Variants in LGR4 observed in about 807,000 individuals in gnomAD.
LGR4 encodes leucine rich repeat containing G protein-coupled receptor 4.
A neutral mutation model predicts 84.8 loss-of-function variants in LGR4; 44 were observed. The observed-to-expected ratio is 0.52, with a 90% CI of 0.41 to 0.67. The LOEUF is 0.67. Among genes scored for constraint, LGR4 ranks in the 30% least tolerant of loss-of-function variants. The pLI, the probability that LGR4 is intolerant of heterozygous loss-of-function variation, is 0.00. For missense variants in LGR4, 1,032 were observed against 1,131.4 expected (o/e 0.91, Z 1.26); for synonymous variants, 429 against 434.3 (o/e 0.99, Z 0.15).
intron 4 of LGR4, among the ~76,000 whole-genome samples, chr11:27,385,847 A>C (rs1025048645): frequency 3.3e-5 from 5 of 151,880 alleles, no homozygotes; most frequent in Non-Finnish European, 5.9e-5. Flanking sequence ...CTGACCAAAT[A>C]GGCTACTTTG....
intron 1 of LGR4, among the ~76,000 whole-genome samples, chr11:27,418,410 T>C (rs1242076944): frequency 1.3e-5 from 2 of 152,204 alleles, no homozygotes; most frequent in African/African-American, 2.4e-5. Context: ...AGTGTCACAA[T>C]AGACACCCTT....
At chr11:27,414,773 G>C (rs900666319) in intron 1 of LGR4, among the ~76,000 whole-genome samples, 1 of 152,000 alleles carries the variant, frequency 6.6e-6, no homozygotes, top group Admixed American at 6.6e-5. Flanking sequence ...AAAGGCAGGC[G>C]CAACTCCCAC....
chr11:27,449,887 T>C (rs1413210318), intron 1 of LGR4, among the ~76,000 whole-genome samples: 2 of 152,184 alleles, frequency 1.3e-5, no homozygotes, highest in African/African-American at 4.8e-5. Context: ...TTATTAACAA[T>C]ATCTCTTCAG....
At position 27,367,618 on chromosome 11, in the gene LGR4, CT is replaced by C; in HGVS notation, c.*248del. On this transcript the variant is annotated 3_prime_UTR_variant, in exon 18 of 18. Transcript: ENST00000379214. ...ATATTGCTCTACTACACCTAAGATC[CT>C]TTTCAAGTCATATATTTGTTTCAAA... is the stretch of plus-strand genomic sequence containing the variant. The C allele has an allele frequency of 2.8e-6, 1 of 357,570 alleles. No individual in the cohort carries two copies. The highest frequency in any genetic ancestry group is 5.0e-6 in the Non-Finnish European group (1 of 198,402). 22.1% of individuals were successfully genotyped at this position (357,570 alleles called of 1,614,324 possible).
At chr11:27,373,736 G>A (rs1484579003) in intron 14 of LGR4, 60 bp from the exon 15 acceptor site, 11 of 1,410,260 alleles carry the variant, frequency 7.8e-6, no homozygotes, top group African/African-American at 1.4e-5. Flanking sequence ...AAAAACATCT[G>A]TACACGTATT....
intron 17 of LGR4, 57 bp from the exon 18 acceptor site, chr11:27,369,200 G>T: frequency 7.4e-7 from 1 of 1,350,546 alleles, no homozygotes; most frequent in South Asian, 1.5e-5. Flanking sequence ...AAACAATTTA[G>T]AAAATGATAT....
intron 2 of LGR4, 56 bp from the exon 3 acceptor site, chr11:27,392,574 T>C (rs1863306272): frequency 7.0e-7 from 1 of 1,429,816 alleles, no homozygotes; most frequent in Non-Finnish European, 9.4e-7. Context: ...AGACTTAAAA[T>C]TCAGAACTTA....
At chr11:27,404,836 T>C (rs186288423) in intron 2 of LGR4, among the ~76,000 whole-genome samples, 1 of 152,282 alleles carries the variant, frequency 6.6e-6, no homozygotes, top group African/African-American at 2.4e-5. Context: ...CAGGAAAGAA[T>C]GAAGCCAGAA....
chr11:27,385,589 T>TTATAGG, intron 4 of LGR4, 121 bp from the exon 5 acceptor site: 1 of 618,546 alleles, frequency 1.6e-6, no homozygotes, highest in South Asian at 2.3e-5. Context: ...TCTTTAATTT[T>TTATAGG]ACTAGAAGTC....
At chr11:27,377,500 A>T (rs1453375240) in intron 11 of LGR4, among the ~76,000 whole-genome samples, 2 of 151,664 alleles carry the variant, frequency 1.3e-5, no homozygotes, top group African/African-American at 4.8e-5. Context: ...TAAAGTACAT[A>T]ACATAAATAT....
At chr11:27,420,806 A>G (rs1863912190) in intron 1 of LGR4, among the ~76,000 whole-genome samples, 1 of 152,138 alleles carries the variant, frequency 6.6e-6, no homozygotes, top group Non-Finnish European at 1.5e-5. Context: ...CAGAAAGAAT[A>G]TCATGTGTGA....
chr11:27,429,851 G>A (rs1261250917), intron 1 of LGR4, among the ~76,000 whole-genome samples: 1 of 152,158 alleles, frequency 6.6e-6, no homozygotes, highest in Non-Finnish European at 1.5e-5. Flanking sequence ...GAGACTGCCT[G>A]AGGTGGAATT....
intron 6 of LGR4, among the ~76,000 whole-genome samples, chr11:27,383,775 T>C (rs2133372017): frequency 6.6e-6 from 1 of 152,252 alleles, no homozygotes; most frequent in Admixed American, 6.5e-5. Context: ...AAAATAAATA[T>C]CCTATTCTCA....
At chr11:27,406,239 T>C (rs1247517813) in intron 2 of LGR4, among the ~76,000 whole-genome samples, 2 of 152,132 alleles carry the variant, frequency 1.3e-5, no homozygotes, top group African/African-American at 4.8e-5. Context: ...ATAGCGAGTA[T>C]ACTATCCCTC....
chr11:27,430,369 C>A (rs919727362), intron 1 of LGR4, among the ~76,000 whole-genome samples: 1 of 152,166 alleles, frequency 6.6e-6, no homozygotes, highest in African/African-American at 2.4e-5. Flanking sequence ...TCTCAGAGAA[C>A]AAGTTGCCCT....
chr11:27,472,043 T>G, intron 1 of LGR4, 75 bp downstream of exon 1: 4 of 1,094,480 alleles, frequency 3.7e-6, no homozygotes, highest in Non-Finnish European at 1.2e-6. Flanking sequence ...GACTGACCCC[T>G]GGCTCCGCCC....
At chr11:27,437,861 C>T (rs1179699821) in intron 1 of LGR4, among the ~76,000 whole-genome samples, 1 of 151,872 alleles carries the variant, frequency 6.6e-6, no homozygotes, top group East Asian at 1.9e-4. Context: ...AAAATACAGC[C>T]AGGAGGGGTG....
intron 3 of LGR4, 70 bp from the exon 4 acceptor site, chr11:27,391,235 CTTT>C (rs35556457): frequency 0.32 from 137,892 of 435,748 alleles, 7,947 homozygotes; most frequent in Non-Finnish European, 0.36. Flanking sequence ...AATTCAGAGC[CTTT>C]TTTTTTTTTT....
At chr11:27,405,342 T>C (rs1018179949) in intron 2 of LGR4, among the ~76,000 whole-genome samples, 10 of 152,126 alleles carry the variant, frequency 6.6e-5, no homozygotes, top group African/African-American at 2.2e-4. Flanking sequence ...CACACCCTGA[T>C]TCAAGTGTTT....
Sources: allele counts gnomAD v4.1 joint callset (sites outside exome capture counted in the v4.1 genomes callset), GRCh38; gene constraint gnomAD v4.1.1; transcripts MANE v1.5; gene names NCBI Gene and HGNC (gene_info 2026-07-23, HGNC 2026-07-21).